Variants in MAF observed in about 807,000 individuals in gnomAD.
MAF encodes transcription factor Maf.
A neutral mutation model predicts 22.0 loss-of-function variants in MAF; 10 were observed. The observed-to-expected ratio is 0.45, with a 90% CI of 0.28 to 0.77. MAF has a LOEUF of 0.77. MAF is among the 30% of genes least tolerant of loss of function. The probability of loss-of-function intolerance (pLI) is 0.12; values close to 1 mark genes in which losing one functional copy is unlikely to be tolerated. For missense variants in MAF, 544 were observed against 548.4 expected (o/e 0.99, Z 0.08); for synonymous variants, 337 against 255.8 (o/e 1.32, Z -3.03).
At chr16:79,210,821 C>G in the MAF span, among the ~76,000 whole-genome samples, 1 of 152,140 alleles carries the variant, frequency 6.6e-6, no homozygotes, top group African/African-American at 2.4e-5. Flanking sequence ...CGTCCCTAGC[C>G]ACAGCCGCAA....
chr16:79,404,077 G>C, the MAF span, among the ~76,000 whole-genome samples: 1 of 151,820 alleles, frequency 6.6e-6, no homozygotes, highest in Non-Finnish European at 1.5e-5. Flanking sequence ...TTTCCACCTT[G>C]ATCTGTTTCC....
the MAF span, among the ~76,000 whole-genome samples, chr16:79,468,856 T>C: frequency 6.6e-6 from 1 of 152,212 alleles, no homozygotes; most frequent in South Asian, 2.1e-4. Flanking sequence ...GAAGGCTACA[T>C]GCAGGAGACC....
chr16:79,429,045 A>G, the MAF span, among the ~76,000 whole-genome samples: 1 of 152,198 alleles, frequency 6.6e-6, no homozygotes, highest in African/African-American at 2.4e-5. Flanking sequence ...TGAGGCTAGG[A>G]TGTGCTGTAA....
At chr16:79,430,647 A>G in the MAF span, among the ~76,000 whole-genome samples, 1 of 152,126 alleles carries the variant, frequency 6.6e-6, no homozygotes, top group Non-Finnish European at 1.5e-5. Context: ...GTTGGTGGAG[A>G]GGAAGCCTGG....
chr16:79,595,226 G>C, intron 1 of MAF: 1 of 1,042,282 alleles, frequency 9.6e-7, no homozygotes, highest in Non-Finnish European at 1.2e-6. Flanking sequence ...GCAAAATTAA[G>C]TGTGGATTCA....
chr16:79,270,779 G>A, the MAF span, among the ~76,000 whole-genome samples: 3 of 152,150 alleles, frequency 2.0e-5, no homozygotes, highest in East Asian at 1.9e-4. Context: ...CACTGAGTGC[G>A]TCTAAGCAGT....
At position 79,594,095 on chromosome 16, in the gene MAF, C is replaced by A; in HGVS notation, c.*365G>T. On this transcript the variant is annotated 3_prime_UTR_variant, in exon 2 of 2. Transcript: ENST00000326043. ...AAAAGTACTATTTAGAATGTGCATG[C>A]CTATATATGATTTTAAAATGCTAAT... 3.4e-6 allele frequency: 1 copy of A among 289,930 alleles called. No homozygotes were observed. The highest frequency in any genetic ancestry group is 5.1e-5 in the East Asian group (1 of 19,728). The allele number at this position is 289,930 out of a possible 1,614,324, so 18.0% of individuals were successfully genotyped here.
At chr16:79,458,109 A>AGTGTGTGTGTGTGTGTGTGTGTGT in the MAF span, among the ~76,000 whole-genome samples, 287 of 136,416 alleles carry the variant, frequency 2.1e-3, 4 homozygotes, top group Non-Finnish European at 2.1e-3. Flanking sequence ...GGTATGTATA[A>AGTGTGTGTGTGTGTGTGTGTGTGT]GTGTGTGTGT....
the MAF span, among the ~76,000 whole-genome samples, chr16:79,401,309 C>G: frequency 2.6e-5 from 4 of 152,338 alleles, no homozygotes; most frequent in Non-Finnish European, 5.9e-5. Context: ...TGAGCACTTA[C>G]TGGATACCAG....
rs754099605 is a variant in MAF, at chr16:79,599,181, C to G, written c.722G>C (p.Gly241Ala). The G allele has an allele frequency of 2.6e-6, 3 of 1,144,438 alleles. No homozygotes were observed. Among genetic ancestry groups the G allele is most frequent in the South Asian group, 8.1e-5 (2 of 24,540 alleles). 70.9% of individuals were successfully genotyped at this position (1,144,438 alleles called of 1,614,324 possible). Residue 241 changes from glycine (G) to alanine (A), a missense_variant, in exon 1 of 2, where the codon GGG becomes GCG. This residue lies in a region of MAF where 342 missense variants were observed against 315.5 expected (regional missense o/e 1.08). Transcript: ENST00000326043. ...GTGCGGGTGCAGGGCGCCCCCCGCCCCCGCCGCGCCCCCGCCGCCTCCGCC... is the reference window on the plus strand; with the variant it reads ...GTGCGGGTGCAGGGCGCCCCCCGCCGCCGCCGCGCCCCCGCCGCCTCCGCC... ...GGGGGGGGAA[G>A]AGGALHPHHA...
At chr16:79,498,719 T>C in the MAF span, among the ~76,000 whole-genome samples, 1 of 152,218 alleles carries the variant, frequency 6.6e-6, no homozygotes, top group Admixed American at 6.5e-5. Flanking sequence ...ATCCATGAGT[T>C]TGTTTCTGGA....
At chr16:79,391,916 G>C in the MAF span, among the ~76,000 whole-genome samples, 1 of 148,878 alleles carries the variant, frequency 6.7e-6, no homozygotes, top group Non-Finnish European at 1.5e-5. Context: ...AGGAGAAGGA[G>C]GAGGAGGAGA....
intron 1 of MAF, among the ~76,000 whole-genome samples, chr16:79,586,669 G>C (rs1481876987): frequency 2.0e-5 from 3 of 152,138 alleles, no homozygotes; most frequent in African/African-American, 7.2e-5. Flanking sequence ...AACGCTTATT[G>C]CTATTAGCTG....
At chr16:79,396,366 T>C in the MAF span, among the ~76,000 whole-genome samples, 3 of 152,160 alleles carry the variant, frequency 2.0e-5, no homozygotes, top group African/African-American at 7.2e-5. Context: ...AAAAAGGGGA[T>C]GCTCACAGCA....
the MAF span, among the ~76,000 whole-genome samples, chr16:79,466,417 T>C: frequency 6.6e-6 from 1 of 152,196 alleles, no homozygotes; most frequent in African/African-American, 2.4e-5. Context: ...GCAGACTGGT[T>C]AGGGCTTTGT....
the MAF span, among the ~76,000 whole-genome samples, chr16:79,246,547 GGTGT>G: frequency 3.0e-5 from 4 of 132,292 alleles, no homozygotes; most frequent in Non-Finnish European, 4.9e-5. Context: ...TTTTGGGGGG[GGTGT>G]GGGGGTGTAT....
the MAF span, among the ~76,000 whole-genome samples, chr16:79,552,299 G>C: frequency 6.6e-6 from 1 of 151,704 alleles, no homozygotes; most frequent in African/African-American, 2.4e-5. Flanking sequence ...CCGAAGCCTC[G>C]AACTCCTGGG....
At chr16:79,341,915 G>A in the MAF span, among the ~76,000 whole-genome samples, 247 of 152,288 alleles carry the variant, frequency 1.6e-3, 4 homozygotes, top group African/African-American at 5.6e-3. Flanking sequence ...TGATGTTTGT[G>A]CACTTAGCAG....
chr16:79,346,349 C>G, the MAF span, among the ~76,000 whole-genome samples: 1 of 152,058 alleles, frequency 6.6e-6, no homozygotes, highest in South Asian at 2.1e-4. Context: ...CTACAAAGGA[C>G]AGGAACTCAT....
Sources: gnomAD v4.1 joint callset for allele counts (sites outside exome capture counted in the v4.1 genomes callset) on GRCh38, gnomAD v4.1.1 for gene constraint, gnomAD v4.1.1 regional missense constraint, MANE v1.5 for transcripts, NCBI Gene and HGNC (gene_info 2026-07-23, HGNC 2026-07-21) for gene names.